LIPA: variants seen among roughly 807,000 people sequenced by gnomAD.
LIPA encodes lipase A, lysosomal acid type.
Under a neutral mutation model 40.6 loss-of-function variants are expected in LIPA, and 26 were observed. That is an observed-to-expected ratio of 0.64 (90% CI 0.47 to 0.89). The LOEUF is 0.89. Among genes scored for constraint, LIPA ranks in the 40% least tolerant of loss-of-function variants. The pLI is 0.00. For missense variants in LIPA, 455 were observed against 479.6 expected (o/e 0.95, Z 0.48); for synonymous variants, 188 against 168.4 (o/e 1.12, Z -0.90).
At chr10:89,328,198 A>T (rs1313965866) in intron 1 of LIPA, 2 of 1,019,610 alleles carry the variant, frequency 2.0e-6, no homozygotes, top group African/African-American at 3.2e-5. Flanking sequence ...ATATGTCTTT[A>T]TCAGTCTGAG....
chr10:89,366,118 T>C (rs997738857), intron 2 of LIPA, among the ~76,000 whole-genome samples: 2 of 152,340 alleles, frequency 1.3e-5, no homozygotes, highest in Admixed American at 6.5e-5. Context: ...GTGTCCTCTT[T>C]TATTTCGTTG....
intron 1 of LIPA, among the ~76,000 whole-genome samples, chr10:89,314,954 T>C (rs1263515772): frequency 6.6e-6 from 1 of 152,212 alleles, no homozygotes; most frequent in Non-Finnish European, 1.5e-5. Context: ...CAAAGCAGAA[T>C]CTGTCTCTAA....
chr10:89,231,123 T>C (rs1842836796), intron 3 of LIPA, among the ~76,000 whole-genome samples: 1 of 152,116 alleles, frequency 6.6e-6, no homozygotes, highest in East Asian at 1.9e-4. Context: ...AAAAGCAAAA[T>C]ACAAAATTAT....
intron 2 of LIPA, among the ~76,000 whole-genome samples, chr10:89,375,117 T>C (rs1282100485): frequency 6.6e-6 from 1 of 152,252 alleles, no homozygotes; most frequent in Admixed American, 6.5e-5. Context: ...AATTACTGAA[T>C]GCTGTTAAAT....
intron 1 of LIPA, among the ~76,000 whole-genome samples, chr10:89,285,860 C>G (rs949125723): frequency 1.3e-5 from 2 of 151,892 alleles, no homozygotes; most frequent in African/African-American, 4.8e-5. Context: ...CACCCCTTCT[C>G]TCTGTGTCTC....
chr10:89,229,185 T>G (rs1429832071), intron 3 of LIPA, among the ~76,000 whole-genome samples: 1 of 152,090 alleles, frequency 6.6e-6, no homozygotes, highest in African/African-American at 2.4e-5. Flanking sequence ...TAAAAGGAAA[T>G]GAGCTATCAA....
At chr10:89,227,986 C>T (rs1423467841) in intron 4 of LIPA, among the ~76,000 whole-genome samples, 1 of 152,208 alleles carries the variant, frequency 6.6e-6, no homozygotes, top group South Asian at 2.1e-4. Context: ...GAATTCCTAA[C>T]TAAATGTAAA....
At chr10:89,396,338 T>C (rs1008978360) in intron 2 of LIPA, among the ~76,000 whole-genome samples, 2 of 152,200 alleles carry the variant, frequency 1.3e-5, no homozygotes, top group Non-Finnish European at 2.9e-5. Flanking sequence ...AAGGTTTATT[T>C]AGCTCACAGT....
chr10:89,243,064 A>G (rs998887259), intron 3 of LIPA, among the ~76,000 whole-genome samples: 1 of 152,196 alleles, frequency 6.6e-6, no homozygotes, highest in African/African-American at 2.4e-5. Context: ...TATTAATAAT[A>G]GAGGAGGAAG....
chr10:89,265,251 A>G (rs1375908737), intron 1 of LIPA, among the ~76,000 whole-genome samples: 6 of 152,084 alleles, frequency 3.9e-5, no homozygotes, highest in Non-Finnish European at 7.4e-5. Flanking sequence ...TGGGCCCCCA[A>G]ACTGCAGGGA....
In LIPA at chr10:89,234,454, C is replaced by T. The variant is rs141899818; in HGVS notation, c.230-6056G>A. Among the ~76,000 whole-genome samples the T allele has an allele frequency of 2.7e-3, 412 of 152,356 alleles. 2 individuals are homozygous for T. Among genetic ancestry groups the T allele is most frequent in the Admixed American group, 7.7e-3 (118 of 15,308 alleles). ...TTCTAGAGATGGCAGTTCCATTAGG[C>T]ATGACGGATCCTCAGCAAAGAAAAT... On this transcript the variant is annotated intron_variant, in intron 3 of 9. Transcript: ENST00000336233.
At chr10:89,242,785 C>G (rs12267584) in intron 3 of LIPA, among the ~76,000 whole-genome samples, 19,284 of 152,226 alleles carry the variant, frequency 0.13, 1,492 homozygotes, top group African/African-American at 0.21. Context: ...TATAAGCAAA[C>G]TGAATTTCCA....
intron 2 of LIPA, among the ~76,000 whole-genome samples, chr10:89,387,058 TG>T (rs1844215527): frequency 6.6e-6 from 1 of 152,046 alleles, no homozygotes; most frequent in African/African-American, 2.4e-5. Context: ...GGCTCACGCC[TG>T]TAATCCCAGC....
chr10:89,338,553 A>G, intron 1 of LIPA: 1 of 1,055,260 alleles, frequency 9.5e-7, no homozygotes, highest in Non-Finnish European at 1.4e-6. Context: ...GTTGGACCAA[A>G]TATCTGGGCA....
At chr10:89,268,979 C>T (rs1205475063) in intron 1 of LIPA, among the ~76,000 whole-genome samples, 3 of 88,902 alleles carry the variant, frequency 3.4e-5, no homozygotes, top group East Asian at 4.7e-4. Flanking sequence ...GAGACAGACT[C>T]TGTCTCAAAA....
intron 3 of LIPA, among the ~76,000 whole-genome samples, chr10:89,230,491 G>C (rs999150848): frequency 2.6e-5 from 4 of 152,086 alleles, no homozygotes; most frequent in African/African-American, 9.7e-5. Context: ...GTTTTTTGTA[G>C]AGACAGTGTT....
chr10:89,403,137 C>T (rs1844466002), intron 2 of LIPA: 3 of 1,614,112 alleles, frequency 1.9e-6, no homozygotes, highest in Non-Finnish European at 2.5e-6. Flanking sequence ...TGTCTTACTG[C>T]ATCACCAGAT....
chr10:89,308,892 T>C (rs1446028224), intron 1 of LIPA: 1 of 152,196 alleles, frequency 6.6e-6, no homozygotes, highest in Non-Finnish European at 1.5e-5. Context: ...TATATTTTCA[T>C]TAATAAATAA....
intron 1 of LIPA, among the ~76,000 whole-genome samples, chr10:89,295,260 C>T (rs539436141): frequency 1.2e-3 from 183 of 152,164 alleles, no homozygotes; most frequent in African/African-American, 4.3e-3. Flanking sequence ...CACTGGGCTA[C>T]CTAAGTATTC....
Sources: allele counts gnomAD v4.1 joint callset (sites outside exome capture counted in the v4.1 genomes callset), GRCh38; gene constraint gnomAD v4.1.1; transcripts MANE v1.5; gene names NCBI Gene and HGNC (gene_info 2026-07-23, HGNC 2026-07-21).